The following ROS1 variants were observed in gnomAD, a reference collection of about 807,000 sequenced individuals.
ROS1 encodes proto-oncogene tyrosine-protein kinase ROS.
A neutral mutation model predicts 273.5 loss-of-function variants in ROS1; 263 were observed. That is an observed-to-expected ratio of 0.96 (90% CI 0.87 to 1.06). The LOEUF (loss-of-function observed/expected upper bound fraction) is 1.06. Among genes scored for constraint, ROS1 ranks in the 50% least tolerant of loss-of-function variants. ROS1 has a pLI of 0.00. For missense variants in ROS1, 2,833 were observed against 2,751.1 expected, an observed-to-expected ratio of 1.03 and a Z score of -0.67; for synonymous variants, 1,008 against 954.1, an observed-to-expected ratio of 1.06 and a Z score of -1.04.
chr6:117,347,310 T>C (rs947276309), intron 27 of ROS1, among the ~76,000 whole-genome samples: 38 of 152,128 alleles, frequency 2.5e-4, no homozygotes, highest in Admixed American at 2.4e-3. Context: ...AAGTATTTCA[T>C]TTTCTGTGGG....
intron 43 of ROS1, among the ~76,000 whole-genome samples, chr6:117,298,033 C>T (rs985034581): frequency 1.4e-5 from 2 of 138,688 alleles, no homozygotes; most frequent in Non-Finnish European, 3.3e-5. Context: ...TACTATTCAG[C>T]CACTAAAAAG....
At position 117,396,206 on chromosome 6, in the gene ROS1, T is replaced by G; in HGVS notation, c.865A>C (p.Thr289Pro). ...CCCATACCTGCTGAAGATGAAGTGG[T>G]AATACTAGATTCTGCTTCTGGACCC... The part of the protein sequence containing the change: ...GEGPEAESSI[T>P]TSSSAVQQEE... Residue 289 changes from threonine (T) to proline (P), a missense_variant, in exon 9 of 44, where the codon ACC (threonine) becomes CCC (proline). Coordinates refer to ENST00000368507, the MANE Select transcript of ROS1 (RefSeq NM_001378902.1). 1 of 1,613,396 alleles carries G rather than the reference T, an allele frequency of 6.2e-7. No homozygotes were observed.
chr6:117,379,142 T>C lies in ROS1; in HGVS notation c.2499A>G (p.Leu833=). The C allele has an allele frequency of 1.9e-6, 3 of 1,610,912 alleles. No individual in the cohort carries two copies. Among genetic ancestry groups the C allele is most frequent in the Non-Finnish European group, 2.5e-6 (3 of 1,177,276 alleles). ...AATACAGGAGCCCATCACTGAGGTC[T>C]AAAGTTAGAGCAATTACCTAAGTAG... is the stretch of plus-strand genomic sequence containing the variant. ...FSGKKVIALT[L]DLSDGLLYWL... Residue 833 remains leucine (L), a synonymous_variant, in exon 18 of 44, where the codon TTA becomes TTG. Coordinates refer to ENST00000368507, the MANE Select transcript of ROS1 (RefSeq NM_001378902.1).
At chr6:117,338,144 C>G (rs991353500) in intron 31 of ROS1, among the ~76,000 whole-genome samples, 3 of 152,016 alleles carry the variant, frequency 2.0e-5, no homozygotes, top group African/African-American at 7.2e-5. Flanking sequence ...GGCAATTTGT[C>G]AGGGGTTCTT....
rs368242933 is a variant in ROS1, at chr6:117,399,049, AT to A, written c.605-1934del. Among the ~76,000 whole-genome samples, 217 of 152,278 alleles carry A rather than the reference AT, an allele frequency of 1.4e-3. 1 individual carries two copies. The highest frequency in any genetic ancestry group is 2.6e-3 in the Non-Finnish European group (179 of 68,012). ...TAAAAGAGAATAGGGTTATGAGGCA[AT>A]TAACACAATACAGATAAGTTTCTAA... is the stretch of plus-strand genomic sequence containing the variant. On this transcript the variant is annotated intron_variant, in intron 7 of 43. Coordinates refer to ENST00000368507, the MANE Select transcript of ROS1 (RefSeq NM_001378902.1).
intron 1 of ROS1, among the ~76,000 whole-genome samples, chr6:117,423,990 G>A (rs1775952718): frequency 6.6e-6 from 1 of 151,996 alleles, no homozygotes; most frequent in East Asian, 1.9e-4. Flanking sequence ...CTCTGTAGGT[G>A]GTGAACGGAA....
chr6:117,403,243 A>C lies in ROS1; in HGVS notation c.500T>G (p.Leu167Arg). ...GAAAATGTACTCAGTGAAGGGGTGCAGGGGCTTGACCACATAGGACGGTCT... is the reference window on the plus strand; with the variant it reads ...GAAAATGTACTCAGTGAAGGGGTGCCGGGGCTTGACCACATAGGACGGTCT... ...VSRPSYVVKP[L>R]HPFTEYIFRV... The change falls in exon 7 of 44, where the codon CTG (leucine) becomes CGG (arginine). Residue 167 changes from leucine to arginine, a missense_variant. Leu to Arg is a moderately radical substitution (Grantham distance 102). Coordinates refer to ENST00000368507, the MANE Select transcript of ROS1 (RefSeq NM_001378902.1). 1 of 1,612,336 alleles carries C rather than the reference A, an allele frequency of 6.2e-7. No homozygotes were observed. The highest frequency in any genetic ancestry group is 8.5e-7 in the Non-Finnish European group (1 of 1,179,632).
chr6:117,394,819 T>C, intron 9 of ROS1, 81 bp from the exon 10 acceptor site: 1 of 1,284,628 alleles, frequency 7.8e-7, no homozygotes, highest in Non-Finnish European at 1.0e-6. Context: ...AGTACTACCC[T>C]TCAAAGCAAG....
rs45439298 is a variant in ROS1 at position 117,341,500 on chromosome 6, G to T, written c.4784C>A (p.Ala1595Asp). 15 of 1,613,798 alleles carry T rather than the reference G, an allele frequency of 9.3e-6. No homozygotes were observed. In the South Asian group the frequency reaches 1.2e-4, roughly 13 times the overall value. ...VRYQLAISHLALIPETPLRQS... is the reference protein window; with the variant it reads ...VRYQLAISHLDLIPETPLRQS... The stretch of plus-strand genomic sequence containing the variant: ...TCTTAGAGGAGTTTCAGGAATTAGG[G>T]CCAGGTGTGAGATTGCCAACTGATA... The change falls in exon 30 of 44, where the codon GCC (alanine) becomes GAC (aspartate). Residue 1595 changes from alanine to aspartate, a missense_variant. Ala to Asp is a moderately radical substitution (Grantham distance 126). Coordinates refer to ENST00000368507, the MANE Select transcript of ROS1 (RefSeq NM_001378902.1).
chr6:117,311,172 T>TTCAC, intron 39 of ROS1, 55 bp from the exon 40 acceptor site: 1 of 1,001,908 alleles, frequency 1.0e-6, no homozygotes, highest in Non-Finnish European at 1.5e-6. Context: ...ATGAAATATA[T>TTCAC]ACATATATGT....
At chr6:117,384,604 A>G (rs1488633530) in intron 16 of ROS1, among the ~76,000 whole-genome samples, 2 of 152,224 alleles carry the variant, frequency 1.3e-5, no homozygotes, top group Admixed American at 1.3e-4. Context: ...TTGATCTGTC[A>G]GGCCAATGTT....
intron 33 of ROS1, chr6:117,328,885 A>G (rs1203152125): frequency 2.9e-5 from 18 of 612,390 alleles, no homozygotes; most frequent in Middle Eastern, 2.8e-4. Flanking sequence ...ACTTCAGACC[A>G]TTTCAGAACC....
chr6:117,309,138 T>C lies in ROS1; in HGVS notation c.6417-210A>G, dbSNP rs145451592. 1.1e-3 allele frequency among the ~76,000 whole-genome samples: 162 copies of C among 152,168 alleles called. 5 individuals carry two copies. In the East Asian group the frequency reaches 0.025, roughly 23 times the overall value. On this transcript the variant is annotated intron_variant, in intron 41 of 43. Transcript: ENST00000368507. ...GTATGAGCAAATACTTCAAAGGTGA[T>C]AGGAAGGCTTGGAGGAGGCACACAT...
In ROS1 at chr6:117,342,474, ACAGCTATCTGT is replaced by A; in HGVS notation, c.4566_4576del (p.Gln1523LysfsTer22). 1 of 1,607,748 alleles carries A rather than the reference ACAGCTATCTGT, an allele frequency of 6.2e-7. No individual in the cohort carries two copies. The highest frequency in any genetic ancestry group is 8.5e-7 in the Non-Finnish European group (1 of 1,174,922). On this transcript the variant is annotated frameshift_variant, in exon 29 of 44. Transcript: ENST00000368507. LOFTEE classifies it high-confidence loss of function. ...CAAAGGATCTGAATAATAATTTTTT[ACAGCTATCTGT>A]ATCATGTATGTTGAAAATGGTTGTA...
At chr6:117,292,569 A>G (rs1398649700) in intron 43 of ROS1, among the ~76,000 whole-genome samples, 1 of 151,824 alleles carries the variant, frequency 6.6e-6, no homozygotes, top group Non-Finnish European at 1.5e-5. Context: ...CTCTCTTCTT[A>G]TTTCATACAC....
At chr6:117,299,768 AT>A (rs1362907309) in intron 43 of ROS1, 1 of 152,246 alleles carries the variant, frequency 6.6e-6, no homozygotes, top group Non-Finnish European at 1.5e-5. Flanking sequence ...AAGGAGAAAT[AT>A]TTTAAATTCA....
chr6:117,383,154 C>A (rs4945583), intron 17 of ROS1, among the ~76,000 whole-genome samples, 163 bp downstream of exon 17: 3 of 151,188 alleles, frequency 2.0e-5, no homozygotes, highest in African/African-American at 7.3e-5. Flanking sequence ...AAATAAGGCG[C>A]TTTTTTTTCA....
chr6:117,315,151 T>C (rs1233152836), intron 39 of ROS1, among the ~76,000 whole-genome samples: 1 of 151,968 alleles, frequency 6.6e-6, no homozygotes, highest in African/African-American at 2.4e-5. Context: ...TTAAAATATG[T>C]TAACAAAAAT....
At position 117,337,404 on chromosome 6, in the gene ROS1, A is replaced by G. The variant is rs1777565403; in HGVS notation, c.5062-64T>C. ...AAGAAAATATTCTTAAAACACAAAA[A>G]TGTATAGGCTTATAGCAAGTGGTTA... On this transcript the variant is annotated intron_variant, in intron 31 of 43. Transcript: ENST00000368507. 2.3e-6 allele frequency: 3 copies of G among 1,282,300 alleles called. No homozygotes were observed. The Admixed American group carries it at 6.7e-5, about 29-fold the overall frequency. 79.4% of individuals were successfully genotyped at this position (1,282,300 alleles called of 1,614,324 possible). A position where few individuals can be genotyped will look rare whatever the true frequency, so the allele number is the denominator to read the frequency against.
Sources: gnomAD v4.1 joint callset for allele counts (sites outside exome capture counted in the v4.1 genomes callset) on GRCh38, gnomAD v4.1.1 for gene constraint, MANE v1.5 for transcripts, NCBI Gene and HGNC (gene_info 2026-07-23, HGNC 2026-07-21) for gene names.